RETREG1: variants seen among roughly 807,000 people sequenced by gnomAD.
The protein encoded by RETREG1 is family with sequence similarity 134 member B.
RETREG1 carries 44 observed loss-of-function variants against 54.8 expected under a neutral mutation model. The ratio of observed to expected loss-of-function variants is 0.80; its 90% CI spans 0.63 to 1.03. The LOEUF (loss-of-function observed/expected upper bound fraction) is 1.03. Among genes scored for constraint, RETREG1 ranks in the 50% least tolerant of loss-of-function variants. The pLI is 0.00. For missense variants in RETREG1, 554 were observed against 605.1 expected (o/e 0.92, Z 0.89); for synonymous variants, 217 against 238.5 (o/e 0.91, Z 0.83).
chr5:16,520,325 T>G (rs367783288), intron 3 of RETREG1, among the ~76,000 whole-genome samples: 18,243 of 151,658 alleles, frequency 0.12, 1,293 homozygotes, highest in African/African-American at 0.17. Flanking sequence ...TGGTTTTTTT[T>G]TTGTTGTTGT....
chr5:16,580,408 CTAAG>C (rs1328234800), intron 1 of RETREG1, among the ~76,000 whole-genome samples: 2 of 152,190 alleles, frequency 1.3e-5, no homozygotes, highest in East Asian at 1.9e-4. Flanking sequence ...TTCTGAAGGG[CTAAG>C]TGTCTATAAG....
chr5:16,563,533 T>C (rs2126627405), intron 3 of RETREG1, among the ~76,000 whole-genome samples: 1 of 152,300 alleles, frequency 6.6e-6, no homozygotes, highest in South Asian at 2.1e-4. Flanking sequence ...TTTCTGGGAT[T>C]ACAAATGTAA....
intron 3 of RETREG1, among the ~76,000 whole-genome samples, chr5:16,551,757 AG>A (rs1741548226): frequency 6.6e-6 from 1 of 152,172 alleles, no homozygotes; most frequent in Non-Finnish European, 1.5e-5. Context: ...TTACAAATTT[AG>A]TGTCTGAACA....
chr5:16,574,461 G>A (rs946475627), intron 1 of RETREG1, among the ~76,000 whole-genome samples: 1 of 152,202 alleles, frequency 6.6e-6, no homozygotes, highest in Admixed American at 6.5e-5. Context: ...AGAAGGTCAT[G>A]CAGTATGTTT....
intron 1 of RETREG1, among the ~76,000 whole-genome samples, chr5:16,590,858 AACAC>A (rs1027339243): frequency 1.3e-5 from 2 of 150,484 alleles, no homozygotes. Context: ...ACACACAAAA[AACAC>A]ACACATGCAA....
intron 3 of RETREG1, among the ~76,000 whole-genome samples, chr5:16,525,672 T>A (rs1237188238): frequency 6.6e-6 from 1 of 151,850 alleles, no homozygotes; most frequent in Non-Finnish European, 1.5e-5. Flanking sequence ...TAAGCAAAAC[T>A]GGGGGATAGA....
chr5:16,548,299 G>A (rs1741442100), intron 3 of RETREG1, among the ~76,000 whole-genome samples: 1 of 152,112 alleles, frequency 6.6e-6, no homozygotes. Context: ...TCAGCAGGTG[G>A]AGGCGTGAAA....
At chr5:16,591,827 G>A (rs932141119) in intron 1 of RETREG1, among the ~76,000 whole-genome samples, 1 of 152,174 alleles carries the variant, frequency 6.6e-6, no homozygotes, top group African/African-American at 2.4e-5. Context: ...CAAAGCCCAT[G>A]AAAAACAATG....
chr5:16,565,746 G>A lies in RETREG1; in HGVS notation c.458+17C>T, dbSNP rs1312588900. 6.2e-7 allele frequency: 1 copy of A among 1,613,912 alleles called. No homozygotes were observed. The highest frequency in any genetic ancestry group is 8.5e-7 in the Non-Finnish European group (1 of 1,179,932). ...CCCTCCCTCCATTAAGCACAACACG[G>A]AAAGAAAGTTCCCTACCTTTCACTG... On this transcript the variant is annotated intron_variant, in intron 3 of 8. Coordinates refer to ENST00000306320, the MANE Select transcript of RETREG1 (RefSeq NM_001034850.3).
In RETREG1 at chr5:16,593,679, C is replaced by T. The variant is rs548785801; in HGVS notation, c.321-21577G>A. On this transcript the variant is annotated intron_variant, in intron 1 of 8. Coordinates refer to ENST00000306320, the MANE Select transcript of RETREG1 (RefSeq NM_001034850.3). This position sits in a 1 kb window ranked among gnomAD's most constrained non-coding sequence, Gnocchi z 4.9. ...AATGGCCCTTGGATATCTGCTTAGACAAATCTTATTTCTTCTCTTTCAGAA... is the reference window on the plus strand; with the variant it reads ...AATGGCCCTTGGATATCTGCTTAGATAAATCTTATTTCTTCTCTTTCAGAA... Among the ~76,000 whole-genome samples, 1 of 152,224 alleles carries T rather than the reference C, an allele frequency of 6.6e-6. No individual in the cohort carries two copies. Among genetic ancestry groups the T allele is most frequent in the East Asian group, 1.9e-4 (1 of 5,174 alleles).
intron 8 of RETREG1, among the ~76,000 whole-genome samples, chr5:16,475,510 T>A (rs1738500284): frequency 6.6e-6 from 1 of 152,192 alleles, no homozygotes; most frequent in South Asian, 2.1e-4. Context: ...AACATTCACC[T>A]TTGTCTGATA....
Position 16,478,802 on chromosome 5 carries a change from CTAA to C in RETREG1, c.808+45_808+47del, listed in dbSNP as rs776692791. 18 of 1,572,518 alleles carry C rather than the reference CTAA, an allele frequency of 1.1e-5. No individual in the cohort carries two copies. In the Admixed American group the frequency reaches 2.0e-4, roughly 18 times the overall value. On this transcript the variant is annotated intron_variant, in intron 6 of 8. Coordinates refer to ENST00000306320, the MANE Select transcript of RETREG1 (RefSeq NM_001034850.3). Reference sequence around the variant, plus strand: ...TAAAGAATTTCCTAAAAATAGCTCGCTAATGTCTCATTTCATGCATAGAATCTA... The same window carrying C: ...TAAAGAATTTCCTAAAAATAGCTCGCTGTCTCATTTCATGCATAGAATCTA...
intron 1 of RETREG1, among the ~76,000 whole-genome samples, chr5:16,612,236 T>G (rs1433469201): frequency 6.6e-6 from 1 of 152,178 alleles, no homozygotes; most frequent in Non-Finnish European, 1.5e-5. Context: ...ATATTCTAGA[T>G]CTCAACTGCC....
In RETREG1 at chr5:16,593,414, A is replaced by C. The variant is rs1239791407; in HGVS notation, c.321-21312T>G. ...AGGTCTCTGCATGCCAATCACAGGC[A>C]CTCAATAAATACTTTTTTGTTTGCT... On this transcript the variant is annotated intron_variant, in intron 1 of 8. Transcript: ENST00000306320. The surrounding 1 kb of genome is among the most constrained non-coding windows in gnomAD (Gnocchi z 4.9). 7.2e-5 allele frequency among the ~76,000 whole-genome samples: 11 copies of C among 152,196 alleles called. No individual in the cohort carries two copies. Among genetic ancestry groups the C allele is most frequent in the Non-Finnish European group, 1.6e-4 (11 of 68,050 alleles).
chr5:16,529,486 A>G (rs334485), intron 3 of RETREG1, among the ~76,000 whole-genome samples: 130,457 of 152,176 alleles, frequency 0.86, 56,000 homozygotes, highest in Middle Eastern at 0.88. Context: ...GCCCTGCCAC[A>G]TGGGTCGCCC....
At chr5:16,528,604 A>G (rs919496956) in intron 3 of RETREG1, among the ~76,000 whole-genome samples, 1 of 152,160 alleles carries the variant, frequency 6.6e-6, no homozygotes, top group Non-Finnish European at 1.5e-5. Flanking sequence ...ACATCTGGAG[A>G]CAAAGCCAAG....
intron 1 of RETREG1, among the ~76,000 whole-genome samples, chr5:16,590,111 T>C (rs1742723195): frequency 6.6e-6 from 1 of 152,234 alleles, no homozygotes; most frequent in South Asian, 2.1e-4. Context: ...AAACTGAGAA[T>C]GAACCTCAGA....
At chr5:16,546,201 T>C (rs1247581055) in intron 3 of RETREG1, among the ~76,000 whole-genome samples, 1 of 152,184 alleles carries the variant, frequency 6.6e-6, no homozygotes, top group African/African-American at 2.4e-5. Flanking sequence ...AGGGTCTGTC[T>C]CTGTTGCCTA....
At chr5:16,505,453 G>A (rs1418016576) in intron 3 of RETREG1, among the ~76,000 whole-genome samples, 1 of 152,108 alleles carries the variant, frequency 6.6e-6, no homozygotes. Context: ...TGTGCTCCGT[G>A]ACAGCAGGGG....
Sources: gnomAD v4.1 joint callset for allele counts (sites outside exome capture counted in the v4.1 genomes callset) on GRCh38, gnomAD v4.1.1 for gene constraint, Gnocchi (gnomAD v3.1) non-coding constraint, MANE v1.5 for transcripts, NCBI Gene and HGNC (gene_info 2026-07-23, HGNC 2026-07-21) for gene names.